MS4A18: variants seen among roughly 807,000 people sequenced by gnomAD.
MS4A18 encodes membrane-spanning 4-domains subfamily A member 18.
Under a neutral mutation model 13.1 loss-of-function variants are expected in MS4A18, and 27 were observed. The ratio of observed to expected loss-of-function variants is 2.06; its 90% CI spans 1.52 to 2.84. The LOEUF is 2.84. MS4A18 is among the 30% of genes most tolerant of loss of function. The pLI is 0.00. For missense variants in MS4A18, 307 were observed against 196.4 expected (o/e 1.56, Z -3.37); for synonymous variants, 126 against 76.5 (o/e 1.65, Z -3.38).
downstream of MS4A18, among the ~76,000 whole-genome samples, chr11:60,744,801 C>G (rs1270600490): frequency 2.0e-5 from 3 of 152,190 alleles, no homozygotes; most frequent in African/African-American, 7.2e-5. Flanking sequence ...TGAAATAACA[C>G]TACACACCTA....
chr11:60,739,076 G>A (rs943396033), intron 4 of MS4A18, 79 bp downstream of exon 5: 5 of 677,430 alleles, frequency 7.4e-6, no homozygotes, highest in African/African-American at 7.1e-5. Context: ...GAGCAGAATG[G>A]AATTGCCCCA....
upstream of MS4A18, among the ~76,000 whole-genome samples, chr11:60,724,766 A>G (rs770415890): frequency 2.0e-5 from 3 of 152,238 alleles, no homozygotes; most frequent in Admixed American, 6.5e-5. Flanking sequence ...CTGAAGAAAG[A>G]GCATCCAAAG....
chr11:60,729,991 T>C (rs1289098287), intron 1 of MS4A18, among the ~76,000 whole-genome samples: 1 of 152,124 alleles, frequency 6.6e-6, no homozygotes, highest in African/African-American at 2.4e-5. Flanking sequence ...AGGAGACCCA[T>C]GGTTTGGGGG....
chr11:60,741,121 C>T, exon 5 of MS4A18: 2 of 703,042 alleles, frequency 2.8e-6, no homozygotes, highest in Non-Finnish European at 5.2e-6. Context: ...GGGTGCCAGG[C>T]TACCTGCTGC....
In MS4A18 at chr11:60,743,981, G is replaced by A. The variant is rs148222089; in HGVS notation, c.1190G>A (p.Arg397His). The A allele has an allele frequency of 4.6e-4, 321 of 702,000 alleles. 1 individual carries two copies. Among genetic ancestry groups the A allele is most frequent in the South Asian group, 1.1e-3 (74 of 67,492 alleles). The allele number at this position is 702,000 out of a possible 1,614,324, so 43.5% of individuals were successfully genotyped here. A position where few individuals can be genotyped will look rare whatever the true frequency, so the allele number is the denominator to read the frequency against. Residue 397 changes from arginine to histidine, a missense_variant, in exon 6 of 6, where the codon CGT becomes CAT. By Grantham distance (29) the Arg-to-His change is conservative (BLOSUM62 0). Transcript: ENST00000529108. The stretch of plus-strand genomic sequence containing the variant: ...ACCAGCAATGTACCCCCGAACCCTC[G>A]TACCAAGAAATAGCTGATTTGCACA...
chr11:60,734,944 G>T (rs1853313200), intron 2 of MS4A18, among the ~76,000 whole-genome samples: 1 of 152,018 alleles, frequency 6.6e-6, no homozygotes, highest in Admixed American at 6.6e-5. Context: ...ACCATGCCCG[G>T]CTAATTTTTT....
exon 6 of MS4A18, chr11:60,743,714 A>G (rs531216828): frequency 5.3e-4 from 371 of 703,022 alleles, no homozygotes; most frequent in Non-Finnish European, 6.2e-4. Context: ...AGCCCTGTCA[A>G]TGCTACCACT....
chr11:60,739,658 C>G (rs1565061705), intron 4 of MS4A18, among the ~76,000 whole-genome samples: 1 of 152,190 alleles, frequency 6.6e-6, no homozygotes, highest in Non-Finnish European at 1.5e-5. Flanking sequence ...AATCATTGAT[C>G]AAAAACTGCT....
chr11:60,740,347 C>A (rs1281435043), intron 4 of MS4A18, among the ~76,000 whole-genome samples: 3 of 152,202 alleles, frequency 2.0e-5, no homozygotes, highest in Non-Finnish European at 2.9e-5. Flanking sequence ...GCCCAGAGCA[C>A]ACTGAGCTCT....
intron 3 of MS4A18, among the ~76,000 whole-genome samples, chr11:60,737,470 T>C (rs1365936590): frequency 6.6e-6 from 1 of 152,182 alleles, no homozygotes; most frequent in Non-Finnish European, 1.5e-5. Context: ...ATCTCGGCCA[T>C]CTCTTTAAGA....
At chr11:60,728,684 C>G (rs74678687), upstream of MS4A18, among the ~76,000 whole-genome samples, 1,032 of 151,818 alleles carry the variant, frequency 6.8e-3, 13 homozygotes, top group African/African-American at 0.024. Context: ...CCCTCTCGCT[C>G]TCTCTTTCTC....
upstream of MS4A18, among the ~76,000 whole-genome samples, chr11:60,725,080 G>C (rs1853128120): frequency 6.6e-6 from 1 of 152,192 alleles, no homozygotes; most frequent in African/African-American, 2.4e-5. Context: ...ACTCTGCTAG[G>C]CATTTTCTGG....
chr11:60,743,040 C>A (rs187801059), intron 5 of MS4A18, among the ~76,000 whole-genome samples: 123 of 152,340 alleles, frequency 8.1e-4, no homozygotes, highest in African/African-American at 2.6e-3. Flanking sequence ...ACTTTTCCAG[C>A]CTTTGCTAAA....
At chr11:60,735,902 T>G (rs1853332365) in intron 2 of MS4A18, among the ~76,000 whole-genome samples, 1 of 151,950 alleles carries the variant, frequency 6.6e-6, no homozygotes, top group South Asian at 2.1e-4. Context: ...GGTCTCATAA[T>G]CCACCCACCT....
At chr11:60,729,786 G>A (rs1349758660) in exon 1 of MS4A18, 2 of 690,888 alleles carry the variant, frequency 2.9e-6, no homozygotes, top group African/African-American at 3.5e-5. Flanking sequence ...GAACATTAGG[G>A]GTGAGTGTGA....
upstream of MS4A18, among the ~76,000 whole-genome samples, chr11:60,725,503 C>T (rs1853141686): frequency 6.6e-6 from 1 of 152,116 alleles, no homozygotes; most frequent in Non-Finnish European, 1.5e-5. Flanking sequence ...CTGACATTTT[C>T]CTGACGGGAG....
At chr11:60,743,823 C>T (rs1851898268) in exon 6 of MS4A18, 1 of 702,154 alleles carries the variant, frequency 1.4e-6, no homozygotes, top group African/African-American at 1.7e-5. Context: ...CTGTCAACAC[C>T]ACCACCAGCC....
At chr11:60,735,661 C>CA (rs1220191524) in intron 2 of MS4A18, among the ~76,000 whole-genome samples, 2 of 90,106 alleles carry the variant, frequency 2.2e-5, no homozygotes, top group East Asian at 7.1e-4. Context: ...CATTCCCTTG[C>CA]TTTTTTTTTT....
chr11:60,736,616 A>T lies in MS4A18; in HGVS notation c.592-362A>T, dbSNP rs529381447. 1.1e-3 allele frequency among the ~76,000 whole-genome samples: 170 copies of T among 152,278 alleles called. 1 individual carries two copies. Among genetic ancestry groups the T allele is most frequent in the African/African-American group, 3.9e-3 (162 of 41,558 alleles). On this transcript the variant is annotated intron_variant, in intron 2 of 5. Coordinates refer to ENST00000529108, the Ensembl canonical transcript of MS4A18. The stretch of plus-strand genomic sequence containing the variant: ...ATCACAGTTGAGGATAGGGCAGCGG[A>T]GGCCAAATGAGCAATTAATGCATTT...
Sources: allele counts gnomAD v4.1 joint callset (sites outside exome capture counted in the v4.1 genomes callset), GRCh38; gene constraint gnomAD v4.1.1; transcripts MANE v1.5; gene names NCBI Gene and HGNC (gene_info 2026-07-23, HGNC 2026-07-21).